SOX5: variants seen among roughly 807,000 people sequenced by gnomAD.
The protein encoded by SOX5 is transcription factor SOX-5.
In SOX5, 9 loss-of-function variants were observed where a neutral mutation model predicts 92.0. The observed-to-expected ratio is 0.10, with a 90% CI of 0.06 to 0.17. The LOEUF is 0.17. Ranked by LOEUF, SOX5 falls within the 10% of genes least tolerant of loss-of-function variation. The pLI is 1.00. For missense variants in SOX5, 642 were observed against 944.5 expected (o/e 0.68, Z 4.20); for synonymous variants, 344 against 336.3 (o/e 1.02, Z -0.25).
At chr12:24,185,570 T>C (rs767467783) in intron 4 of SOX5, among the ~76,000 whole-genome samples, 3 of 152,140 alleles carry the variant, frequency 2.0e-5, no homozygotes, top group Non-Finnish European at 4.4e-5. Flanking sequence ...ATAAATCATC[T>C]TGACAATGAG....
At chr12:24,209,943 G>A (rs1180916632) in intron 4 of SOX5, among the ~76,000 whole-genome samples, 10 of 135,700 alleles carry the variant, frequency 7.4e-5, no homozygotes, top group African/African-American at 1.1e-4. Context: ...GCATGAACCC[G>A]GGAGGCGGAG....
intron 4 of SOX5, among the ~76,000 whole-genome samples, chr12:24,163,539 A>G (rs1555148443): frequency 7.7e-6 from 1 of 130,240 alleles, no homozygotes; most frequent in African/African-American, 3.0e-5. Context: ...TCCGAGCTTT[A>G]TTCTACAATC....
chr12:24,078,922 T>C (rs1226481371), intron 4 of SOX5, among the ~76,000 whole-genome samples: 2 of 152,034 alleles, frequency 1.3e-5, no homozygotes, highest in Non-Finnish European at 2.9e-5. Flanking sequence ...AATTTTTTAA[T>C]AGAAATATGG....
chr12:23,929,107 A>G (rs988617992), intron 1 of SOX5, among the ~76,000 whole-genome samples: 5 of 151,940 alleles, frequency 3.3e-5, no homozygotes, highest in African/African-American at 4.8e-5. Flanking sequence ...ACATATGTAT[A>G]AATTAAAAGT....
chr12:24,389,669 A>G (rs1453898169), intron 1 of SOX5, among the ~76,000 whole-genome samples: 1 of 152,186 alleles, frequency 6.6e-6, no homozygotes. Context: ...ATCATGAATA[A>G]TTCTGCTATG....
chr12:24,087,160 CTCTG>C (rs1944096973), intron 4 of SOX5, among the ~76,000 whole-genome samples: 1 of 151,916 alleles, frequency 6.6e-6, no homozygotes, highest in South Asian at 2.1e-4. Flanking sequence ...AGTGTGTGTT[CTCTG>C]TCTCTCTCTC....
chr12:24,197,777 T>C (rs1473495440), intron 4 of SOX5, among the ~76,000 whole-genome samples: 1 of 152,134 alleles, frequency 6.6e-6, no homozygotes, highest in Non-Finnish European at 1.5e-5. Context: ...GGGTCCCTGA[T>C]AGCATGAGGA....
chr12:24,076,080 G>C (rs1052953839), intron 4 of SOX5, among the ~76,000 whole-genome samples: 1 of 152,190 alleles, frequency 6.6e-6, no homozygotes, highest in Non-Finnish European at 1.5e-5. Flanking sequence ...TGTAGAATGA[G>C]AGAGTGTTTT....
At chr12:24,506,893 C>G (rs1411349627) in intron 1 of SOX5, among the ~76,000 whole-genome samples, 1 of 147,828 alleles carries the variant, frequency 6.8e-6, no homozygotes, top group Admixed American at 7.0e-5. Context: ...CGGGTTCACA[C>G]CATTCTCCTG....
intron 4 of SOX5, among the ~76,000 whole-genome samples, chr12:23,748,192 G>A (rs1046317082): frequency 4.6e-5 from 7 of 151,660 alleles, no homozygotes; most frequent in African/African-American, 1.7e-4. Flanking sequence ...TATGGTAATA[G>A]GACACTATTA....
At chr12:23,825,715 A>AATTTT (rs2096218807) in intron 3 of SOX5, among the ~76,000 whole-genome samples, 1 of 152,236 alleles carries the variant, frequency 6.6e-6, no homozygotes, top group Non-Finnish European at 1.5e-5. Context: ...TTTCAAAACA[A>AATTTT]CAAATAGATA....
intron 1 of SOX5, among the ~76,000 whole-genome samples, chr12:23,921,078 T>C (rs547395988): frequency 2.6e-5 from 4 of 152,326 alleles, no homozygotes; most frequent in African/African-American, 9.6e-5. Flanking sequence ...ATTCCATCTA[T>C]ATAGTTAAAA....
chr12:24,164,640 G>A (rs773354855), intron 4 of SOX5, among the ~76,000 whole-genome samples: 1 of 152,006 alleles, frequency 6.6e-6, no homozygotes, highest in Non-Finnish European at 1.5e-5. Flanking sequence ...GTCACTACTT[G>A]TGTATAAGCA....
At chr12:23,882,466 T>C (rs1811853460) in intron 2 of SOX5, among the ~76,000 whole-genome samples, 2 of 151,896 alleles carry the variant, frequency 1.3e-5, no homozygotes, top group Non-Finnish European at 1.5e-5. Context: ...TGCAGGAAAA[T>C]TAAGCAATTT....
chr12:23,969,232 T>C (rs1327217323), intron 4 of SOX5, among the ~76,000 whole-genome samples: 1 of 152,234 alleles, frequency 6.6e-6, no homozygotes, highest in African/African-American at 2.4e-5. Flanking sequence ...ACTGTCATTG[T>C]CACTGTAAAA....
At position 23,757,410 on chromosome 12, in the gene SOX5, T is replaced by C. The variant is rs534983808; in HGVS notation, c.482-1686A>G. Among the ~76,000 whole-genome samples the C allele has an allele frequency of 2.8e-3, 425 of 152,054 alleles. 2 individuals carry two copies. The highest frequency in any genetic ancestry group is 5.0e-3 in the Non-Finnish European group (337 of 67,924). ...TAGGAGTCATAAAACAGAGTAAATA[T>C]CTTCATATTATAACCAGCATTTCTC... On this transcript the variant is annotated intron_variant, in intron 3 of 14. Coordinates refer to ENST00000451604, the MANE Select transcript of SOX5 (RefSeq NM_006940.6).
At position 23,993,895 on chromosome 12, in the gene SOX5, GTA is replaced by G. The variant is rs1950789392; in HGVS notation, c.-1-97873_-1-97872del. Among the ~76,000 whole-genome samples, 6 of 151,936 alleles carry G rather than the reference GTA, an allele frequency of 3.9e-5. No individual in the cohort carries two copies. The South Asian group carries it at 1.2e-3, about 32-fold the overall frequency. ...TGTATGTATGTATGTATGTATGTAT[GTA>G]TGTATGTATGTATGTATGCATGTAT... On this transcript the variant is annotated intron_variant, in intron 4 of 4. Coordinates refer to the SOX5 transcript ENST00000446891.
rs77019479 is a variant in SOX5 at position 23,771,425 on chromosome 12, C to T, written c.482-15701G>A. 3.3e-3 allele frequency among the ~76,000 whole-genome samples: 503 copies of T among 152,224 alleles called. 17 individuals are homozygous for T. In the East Asian group the frequency reaches 0.087, roughly 26 times the overall value. On this transcript the variant is annotated intron_variant, in intron 3 of 14. Transcript: ENST00000451604. ...AAGGCCTGGCTCCAATGTTAGGCCC[C>T]GGCCGAGTACAGTCACTATATTCAC...
chr12:23,543,427 T>C (rs771593776), intron 12 of SOX5, 43 bp from the exon 13 acceptor site: 3 of 1,511,364 alleles, frequency 2.0e-6, no homozygotes, highest in Non-Finnish European at 2.7e-6. Flanking sequence ...TTAAAACTTT[T>C]GTCAGCTCTT....
Sources: gnomAD v4.1 joint callset for allele counts (sites outside exome capture counted in the v4.1 genomes callset) on GRCh38, gnomAD v4.1.1 for gene constraint, MANE v1.5 for transcripts, NCBI Gene and HGNC (gene_info 2026-07-23, HGNC 2026-07-21) for gene names.